Variants in SGCG observed in about 807,000 individuals in gnomAD.
The protein encoded by SGCG is gamma-sarcoglycan.
A neutral mutation model predicts 29.3 loss-of-function variants in SGCG; 26 were observed. The observed-to-expected ratio is 0.89, with a 90% CI of 0.65 to 1.23. The LOEUF (loss-of-function observed/expected upper bound fraction) is 1.23. Among genes scored for constraint, SGCG ranks in the 50% most tolerant of loss-of-function variants. The probability of loss-of-function intolerance (pLI) is 0.00; values close to 1 mark genes in which losing one functional copy is unlikely to be tolerated. For missense variants in SGCG, 353 were observed against 356.0 expected, an observed-to-expected ratio of 0.99 and a Z score of 0.07; for synonymous variants, 145 against 129.7, an observed-to-expected ratio of 1.12 and a Z score of -0.80.
chr13:23,197,778 G>A (rs889973976), intron 1 of SGCG, among the ~76,000 whole-genome samples: 2 of 152,052 alleles, frequency 1.3e-5, no homozygotes, highest in African/African-American at 4.8e-5. Flanking sequence ...AGAAAATATA[G>A]GAAAGACAAT....
At chr13:23,192,498 A>G (rs7999588) in intron 1 of SGCG, among the ~76,000 whole-genome samples, 7,153 of 152,180 alleles carry the variant, frequency 0.047, 572 homozygotes, top group African/African-American at 0.16. Flanking sequence ...AGTTTAAATG[A>G]TTCCCCTGCC....
At chr13:23,173,781 A>T in the SGCG span, among the ~76,000 whole-genome samples, 5 of 152,220 alleles carry the variant, frequency 3.3e-5, no homozygotes, top group Non-Finnish European at 7.3e-5. Context: ...CTCTTTGATC[A>T]CATCAGATAT....
At chr13:23,177,380 G>T (rs1873400191), upstream of SGCG, among the ~76,000 whole-genome samples, 1 of 152,104 alleles carries the variant, frequency 6.6e-6, no homozygotes, top group African/African-American at 2.4e-5. Context: ...CCACCTTAAA[G>T]AAATTATAAA....
At chr13:23,316,485 G>C (rs57487402) in intron 6 of SGCG, among the ~76,000 whole-genome samples, 1 of 152,252 alleles carries the variant, frequency 6.6e-6, no homozygotes, top group East Asian at 1.9e-4. Flanking sequence ...ATAGAACGGT[G>C]GAATGTTCTT....
At chr13:23,271,022 G>C (rs1880855652) in intron 4 of SGCG, among the ~76,000 whole-genome samples, 1 of 152,116 alleles carries the variant, frequency 6.6e-6, no homozygotes, top group South Asian at 2.1e-4. Flanking sequence ...AGGAGTTCAA[G>C]ACCATATGGA....
At chr13:23,171,054 A>C in the SGCG span, among the ~76,000 whole-genome samples, 5 of 152,216 alleles carry the variant, frequency 3.3e-5, no homozygotes, top group African/African-American at 1.2e-4. Context: ...TGAGCACATA[A>C]ATGGTAAGAT....
intron 6 of SGCG, among the ~76,000 whole-genome samples, chr13:23,300,643 G>A (rs1216851977): frequency 6.6e-6 from 1 of 151,976 alleles, no homozygotes; most frequent in African/African-American, 2.4e-5. Context: ...ACTACTTCAC[G>A]GTATAGGAAC....
chr13:23,229,477 T>C (rs1183315315), intron 2 of SGCG, among the ~76,000 whole-genome samples: 1 of 152,232 alleles, frequency 6.6e-6, no homozygotes, highest in Non-Finnish European at 1.5e-5. Flanking sequence ...ATTTTTCACT[T>C]TTTAATAATA....
intron 6 of SGCG, among the ~76,000 whole-genome samples, chr13:23,299,456 A>ATATTTT (rs1882059808): frequency 2.4e-5 from 1 of 41,540 alleles, no homozygotes; most frequent in Non-Finnish European, 4.8e-5. Flanking sequence ...ATATATATAT[A>ATATTTT]TTTTTTTTTT....
chr13:23,176,740 C>T (rs764936508), upstream of SGCG, among the ~76,000 whole-genome samples: 1 of 152,052 alleles, frequency 6.6e-6, no homozygotes, highest in Non-Finnish European at 1.5e-5. Flanking sequence ...AGGTTATTGT[C>T]GATAGGTAAG....
the SGCG span, among the ~76,000 whole-genome samples, chr13:23,170,787 C>T: frequency 6.6e-6 from 1 of 152,166 alleles, no homozygotes; most frequent in African/African-American, 2.4e-5. Context: ...AGCGCAGTGA[C>T]CCTCAGAAGT....
the SGCG span, among the ~76,000 whole-genome samples, chr13:23,164,445 G>A: frequency 2.3e-4 from 35 of 152,242 alleles, no homozygotes; most frequent in African/African-American, 7.9e-4. Flanking sequence ...GAAGGAAACT[G>A]GGCCCAGAGA....
At chr13:23,266,955 C>T (rs1408235634) in intron 4 of SGCG, among the ~76,000 whole-genome samples, 2 of 152,120 alleles carry the variant, frequency 1.3e-5, no homozygotes, top group Non-Finnish European at 2.9e-5. Context: ...TGAACTAACA[C>T]AAATTCCAAA....
intron 2 of SGCG, among the ~76,000 whole-genome samples, chr13:23,233,598 T>C (rs933431205): frequency 6.6e-6 from 1 of 152,124 alleles, no homozygotes; most frequent in Non-Finnish European, 1.5e-5. Flanking sequence ...CTAGAGATGA[T>C]TGGTGGTGAT....
At chr13:23,320,894 G>A (rs1001914648) in intron 7 of SGCG, 134 bp downstream of exon 7, 30 of 942,952 alleles carry the variant, frequency 3.2e-5, no homozygotes, top group Non-Finnish European at 4.8e-5. Flanking sequence ...AGTAGCAAAT[G>A]TACAAGGAAA....
intron 1 of SGCG, among the ~76,000 whole-genome samples, chr13:23,202,175 C>T (rs144429745): frequency 5.1e-4 from 78 of 152,226 alleles, no homozygotes; most frequent in Non-Finnish European, 9.7e-4. Context: ...CAGCGAAGTC[C>T]GGCTCATATA....
chr13:23,299,876 T>G (rs1202452965), intron 6 of SGCG, among the ~76,000 whole-genome samples: 1 of 152,146 alleles, frequency 6.6e-6, no homozygotes, highest in African/African-American at 2.4e-5. Context: ...TCAGCAAAAG[T>G]GTATTAAAGT....
At chr13:23,279,260 G>C (rs983817480) in intron 4 of SGCG, 99 bp from the exon 5 acceptor site, 13 of 1,115,170 alleles carry the variant, frequency 1.2e-5, no homozygotes, top group Non-Finnish European at 1.7e-5. Context: ...CAAGTCTTTA[G>C]ATACTTGGTA....
intron 6 of SGCG, among the ~76,000 whole-genome samples, chr13:23,299,116 A>T (rs1882018640): frequency 6.6e-6 from 1 of 152,060 alleles, no homozygotes; most frequent in Admixed American, 6.6e-5. Flanking sequence ...AGATCTAGAT[A>T]GTTCCATGTT....
Sources: allele counts gnomAD v4.1 joint callset (sites outside exome capture counted in the v4.1 genomes callset), GRCh38; gene constraint gnomAD v4.1.1; transcripts MANE v1.5; gene names NCBI Gene and HGNC (gene_info 2026-07-23, HGNC 2026-07-21).